NUFIP1: variants seen among roughly 807,000 people sequenced by gnomAD.
NUFIP1 encodes the protein FMR1-interacting protein NUFIP1.
In NUFIP1, 38 loss-of-function variants were observed where a neutral mutation model predicts 56.2. That is an observed-to-expected ratio of 0.68 (90% CI 0.52 to 0.89). The LOEUF is 0.89. Ranked by LOEUF, NUFIP1 falls within the 40% of genes least tolerant of loss-of-function variation. NUFIP1 has a pLI of 0.00. For synonymous variants in NUFIP1, 215 were observed against 212.4 expected (o/e 1.01, Z -0.10); for missense variants, 567 against 605.8 (o/e 0.94, Z 0.67).
chr13:44,976,130 A>G (rs1342812812), intron 5 of NUFIP1, among the ~76,000 whole-genome samples: 2 of 149,808 alleles, frequency 1.3e-5, no homozygotes, highest in Non-Finnish European at 2.9e-5. Context: ...TAGTAGGGGG[A>G]AAAAACCTAG....
At chr13:44,982,625 G>A (rs964223671) in intron 1 of NUFIP1, among the ~76,000 whole-genome samples, 9 of 150,818 alleles carry the variant, frequency 6.0e-5, no homozygotes, top group Admixed American at 6.0e-4. Flanking sequence ...TTGTCTTCCA[G>A]TTCATAAGCC....
chr13:44,954,614 C>A (rs749990009), intron 7 of NUFIP1, among the ~76,000 whole-genome samples: 1 of 152,124 alleles, frequency 6.6e-6, no homozygotes, highest in Non-Finnish European at 1.5e-5. Context: ...TTATCCGTAC[C>A]CCCTGCCCAC....
intron 5 of NUFIP1, among the ~76,000 whole-genome samples, chr13:44,978,907 G>A (rs1251115688): frequency 1.3e-5 from 2 of 152,132 alleles, no homozygotes; most frequent in African/African-American, 4.8e-5. Context: ...TTTTTGGTAA[G>A]AGTACCCACC....
intron 3 of NUFIP1, 37 bp downstream of exon 3, chr13:44,980,685 T>C (rs1332900352): frequency 7.6e-7 from 1 of 1,312,360 alleles, no homozygotes; most frequent in East Asian, 2.3e-5. Context: ...AGAAGCACAA[T>C]TGCTACATCA....
At chr13:44,948,037 A>T (rs946544277) in intron 8 of NUFIP1, among the ~76,000 whole-genome samples, 4 of 152,164 alleles carry the variant, frequency 2.6e-5, no homozygotes, top group African/African-American at 9.7e-5. Flanking sequence ...TTTCATATTA[A>T]AGCCTAACGG....
intron 4 of NUFIP1, among the ~76,000 whole-genome samples, 168 bp from the exon 5 acceptor site, chr13:44,979,434 A>C (rs1212570220): frequency 6.6e-6 from 1 of 152,224 alleles, no homozygotes; most frequent in East Asian, 1.9e-4. Flanking sequence ...AGAAGAATCT[A>C]TCATGTATTT....
At chr13:44,959,227 A>G (rs1205841179) in intron 7 of NUFIP1, among the ~76,000 whole-genome samples, 154 bp downstream of exon 7, 1 of 152,242 alleles carries the variant, frequency 6.6e-6, no homozygotes, top group Non-Finnish European at 1.5e-5. Flanking sequence ...ATGACGTTTT[A>G]AACAAGATGC....
rs1870667059 is a variant in NUFIP1 at position 44,939,704 on chromosome 13, G to GAGT, written c.*1499_*1501dup. 6.6e-6 allele frequency: 1 copy of GAGT among 152,116 alleles called. No homozygotes were observed. The highest frequency in any genetic ancestry group is 2.4e-5 in the African/African-American group (1 of 41,424). 9.4% of individuals were successfully genotyped at this position (152,116 alleles called of 1,614,324 possible). ...AAGACTGTCAGACATACAGCCAAGG[G>GAGT]AGTACTCAGGAGTATTTTCAGTCCT... On this transcript the variant is annotated 3_prime_UTR_variant, in exon 10 of 10. Coordinates refer to ENST00000379161, the MANE Select transcript of NUFIP1 (RefSeq NM_012345.3).
chr13:44,971,525 T>C (rs1000453214), intron 5 of NUFIP1, among the ~76,000 whole-genome samples: 3 of 152,158 alleles, frequency 2.0e-5, no homozygotes, highest in East Asian at 1.9e-4. Flanking sequence ...AATTCACTTA[T>C]AGTTTTGAAA....
At chr13:44,963,126 G>A (rs1391346773) in intron 6 of NUFIP1, among the ~76,000 whole-genome samples, 1 of 151,910 alleles carries the variant, frequency 6.6e-6, no homozygotes, top group Non-Finnish European at 1.5e-5. Flanking sequence ...AATTTTGACT[G>A]TAATTAATTG....
At position 44,989,205 on chromosome 13, in the gene NUFIP1, G is replaced by A. The variant is rs1163646310; in HGVS notation, c.232C>T (p.Pro78Ser). The A allele has an allele frequency of 6.2e-7, 1 of 1,609,900 alleles. No individual in the cohort carries two copies. The highest frequency in any genetic ancestry group is 8.5e-7 in the Non-Finnish European group (1 of 1,178,300). Residue 78 changes from proline to serine, a missense_variant, in exon 1 of 10, where the codon CCG becomes TCG. Transcript: ENST00000379161. ...PMEAQSLPGA[P>S]PPFDAQILPG... ...AGAATCTGGGCGTCGAAGGGGGGCGGAGCCCCGGGGAGAGACTGGGCCTCC... is the reference window on the plus strand; with the variant it reads ...AGAATCTGGGCGTCGAAGGGGGGCGAAGCCCCGGGGAGAGACTGGGCCTCC...
intron 8 of NUFIP1, among the ~76,000 whole-genome samples, chr13:44,949,481 G>A (rs1407290926): frequency 3.9e-5 from 6 of 152,080 alleles, no homozygotes; most frequent in African/African-American, 7.2e-5. Context: ...GATTACAGGC[G>A]TGAGCCACCG....
chr13:44,944,411 G>A lies in NUFIP1; in HGVS notation c.1139-737C>T, dbSNP rs572531412. On this transcript the variant is annotated intron_variant, in intron 8 of 9. Transcript: ENST00000379161. The stretch of plus-strand genomic sequence containing the variant: ...GGGGTCAATTCGTCAATAAGACAAA[G>A]AATAACACCTAAGAACAGATTTTCA... Among the ~76,000 whole-genome samples, 4 of 152,166 alleles carry A rather than the reference G, an allele frequency of 2.6e-5. No individual in the cohort carries two copies. In the East Asian group the frequency reaches 7.7e-4, roughly 29 times the overall value.
intron 8 of NUFIP1, among the ~76,000 whole-genome samples, chr13:44,946,914 G>A (rs538974254): frequency 6.6e-6 from 1 of 152,254 alleles, no homozygotes; most frequent in East Asian, 1.9e-4. Context: ...CTAGTGACCT[G>A]GATGGCTTAA....
intron 5 of NUFIP1, among the ~76,000 whole-genome samples, chr13:44,973,832 G>A (rs891184180): frequency 6.6e-5 from 10 of 152,082 alleles, no homozygotes; most frequent in Non-Finnish European, 1.2e-4. Flanking sequence ...GCAGCAGCAC[G>A]AACAAAACTA....
At chr13:44,952,385 A>G (rs1337668100) in intron 7 of NUFIP1, among the ~76,000 whole-genome samples, 3 of 152,214 alleles carry the variant, frequency 2.0e-5, no homozygotes, top group Non-Finnish European at 4.4e-5. Flanking sequence ...TTGGCCTTCC[A>G]AAGTGCTGGG....
At chr13:44,976,165 A>T (rs1871968663) in intron 5 of NUFIP1, among the ~76,000 whole-genome samples, 1 of 152,232 alleles carries the variant, frequency 6.6e-6, no homozygotes, top group South Asian at 2.1e-4. Flanking sequence ...GGCCACTTCC[A>T]TCCCATCCAG....
rs571416301 is a variant in NUFIP1 at position 44,978,328 on chromosome 13, A to G, written c.734+862T>C. 1.2e-4 allele frequency among the ~76,000 whole-genome samples: 18 copies of G among 152,282 alleles called. No homozygotes were observed. In the East Asian group the frequency reaches 1.7e-3, roughly 15 times the overall value. ...GTACAAATGTAACCTGCTGCTCATA[A>G]GAGTCTGAAGTATCTTTCTTGCCCT... is the stretch of plus-strand genomic sequence containing the variant. On this transcript the variant is annotated intron_variant, in intron 5 of 9. Transcript: ENST00000379161.
At chr13:44,965,497 T>C (rs1267825814) in intron 6 of NUFIP1, among the ~76,000 whole-genome samples, 1 of 152,110 alleles carries the variant, frequency 6.6e-6, no homozygotes, top group East Asian at 1.9e-4. Flanking sequence ...AGATCGAGAC[T>C]ATCCTGGCCA....
Sources: allele counts gnomAD v4.1 joint callset (sites outside exome capture counted in the v4.1 genomes callset), GRCh38; gene constraint gnomAD v4.1.1; transcripts MANE v1.5; gene names NCBI Gene and HGNC (gene_info 2026-07-23, HGNC 2026-07-21).